Variants in TENM2 observed in about 807,000 individuals in gnomAD.
TENM2 encodes teneurin-2.
Under a neutral mutation model 245.2 loss-of-function variants are expected in TENM2, and 52 were observed. The ratio of observed to expected loss-of-function variants is 0.21; its 90% confidence interval spans 0.17 to 0.27. The LOEUF (loss-of-function observed/expected upper bound fraction) is 0.27. Among genes scored for constraint, TENM2 ranks in the 10% least tolerant of loss-of-function variants. The probability of loss-of-function intolerance (pLI) is 1.00; values close to 1 mark genes in which losing one functional copy is unlikely to be tolerated. For missense variants in TENM2, 3,046 were observed against 3,666.8 expected, an observed-to-expected ratio of 0.83 and a Z score of 4.37; for synonymous variants, 1,363 against 1,438.9, an observed-to-expected ratio of 0.95 and a Z score of 1.19.
chr5:167,004,611 A>G, the TENM2 span, among the ~76,000 whole-genome samples: 2 of 152,242 alleles, frequency 1.3e-5, no homozygotes, highest in Non-Finnish European at 2.9e-5. Flanking sequence ...GTTTAAAACC[A>G]AAGATGGTAA....
intron 2 of TENM2, among the ~76,000 whole-genome samples, chr5:167,562,727 C>A (rs1429633238): frequency 6.6e-6 from 1 of 152,002 alleles, no homozygotes; most frequent in African/African-American, 2.4e-5. Context: ...GAGGCTGAGG[C>A]GGGTGGATCA....
At chr5:167,432,233 A>G (rs1372676310) in intron 2 of TENM2, among the ~76,000 whole-genome samples, 1 of 151,698 alleles carries the variant, frequency 6.6e-6, no homozygotes, top group African/African-American at 2.4e-5. Flanking sequence ...ACTCGTATTT[A>G]AATCTGAATT....
intron 2 of TENM2, among the ~76,000 whole-genome samples, chr5:167,711,293 G>A (rs1449862820): frequency 6.6e-6 from 1 of 152,190 alleles, no homozygotes; most frequent in African/African-American, 2.4e-5. Context: ...GGAGAAGAAG[G>A]CACCAAGGAT....
intron 2 of TENM2, among the ~76,000 whole-genome samples, chr5:167,377,900 C>G (rs1031775892): frequency 6.6e-6 from 1 of 152,130 alleles, no homozygotes; most frequent in Admixed American, 6.6e-5. Context: ...ACACTGTGTC[C>G]TTCAGAACCA....
rs543092861 is a variant in TENM2 at position 167,542,567 on chromosome 5, A to G, written c.502+167094A>G. ...TGATTCGTATCTACCTTTAAATGTG[A>G]GAAAAATATCCCTGGGTCATTGCCA... On this transcript the variant is annotated intron_variant, in intron 2 of 28. Transcript: ENST00000518659. 1.8e-4 allele frequency among the ~76,000 whole-genome samples: 27 copies of G among 152,170 alleles called. 1 individual carries two copies. The highest frequency in any genetic ancestry group is 3.5e-4 in the Non-Finnish European group (24 of 68,034).
rs540326142 is a variant in TENM2, at chr5:168,030,158, C to CTTTTTTTTT, written c.1187-17248_1187-17240dup. ...CTTTGGCCCAAGTCTGGTTCTGGCT[C>CTTTTTTTTT]TTTTTTTTTTTTTTTTTTTTTTTTT... is the stretch of plus-strand genomic sequence containing the variant. On this transcript the variant is annotated intron_variant, in intron 5 of 28. Coordinates refer to ENST00000518659, the Ensembl canonical transcript of TENM2. 3.5e-4 allele frequency among the ~76,000 whole-genome samples: 23 copies of CTTTTTTTTT among 65,292 alleles called. 2 individuals are homozygous for CTTTTTTTTT. In the East Asian group the frequency reaches 3.5e-3, roughly 10 times the overall value. 42.8% of individuals were successfully genotyped at this position (65,292 alleles called of 152,430 possible).
intron 2 of TENM2, among the ~76,000 whole-genome samples, chr5:167,638,071 A>G (rs936630388): frequency 6.6e-6 from 1 of 150,510 alleles, no homozygotes. Flanking sequence ...GGTTTGGACT[A>G]TAAAGACAGA....
intron 1 of TENM2, among the ~76,000 whole-genome samples, chr5:167,344,345 A>T (rs1203847581): frequency 4.7e-5 from 7 of 149,122 alleles, no homozygotes; most frequent in African/African-American, 1.7e-4. Context: ...TATTGCAGAG[A>T]TATGAAACTG....
At chr5:167,142,994 G>A in the TENM2 span, among the ~76,000 whole-genome samples, 2 of 152,212 alleles carry the variant, frequency 1.3e-5, no homozygotes, top group African/African-American at 4.8e-5. Context: ...TCTCTACAAT[G>A]TGTGATATAA....
At chr5:168,042,715 C>T (rs561255354) in intron 5 of TENM2, among the ~76,000 whole-genome samples, 77 of 152,186 alleles carry the variant, frequency 5.1e-4, no homozygotes, top group Non-Finnish European at 1.0e-3. Context: ...ATCACACCCT[C>T]ACTCCACGTA....
At chr5:167,092,562 G>A in the TENM2 span, among the ~76,000 whole-genome samples, 28 of 152,156 alleles carry the variant, frequency 1.8e-4, no homozygotes, top group Non-Finnish European at 2.9e-4. Context: ...TATGCTACAT[G>A]TTTTATGTGG....
At chr5:167,291,936 A>G (rs2127720575) in intron 1 of TENM2, among the ~76,000 whole-genome samples, 1 of 152,298 alleles carries the variant, frequency 6.6e-6, no homozygotes, top group South Asian at 2.1e-4. Context: ...GGTTTAATGG[A>G]CTTACAGTTC....
At position 167,631,134 on chromosome 5, in the gene TENM2, G is replaced by A. The variant is rs535485033; in HGVS notation, c.503-244852G>A. On this transcript the variant is annotated intron_variant, in intron 2 of 28. Coordinates refer to ENST00000518659, the Ensembl canonical transcript of TENM2. ...GCAGTTTAAGATTTAAGAAAGATGA[G>A]ATCCCTGCCCTCTTGTCGCTTGCAT... Among the ~76,000 whole-genome samples, 261 of 152,232 alleles carry A rather than the reference G, an allele frequency of 1.7e-3. 3 individuals are homozygous for A. Among genetic ancestry groups the A allele is most frequent in the Admixed American group, 3.6e-3 (55 of 15,290 alleles).
At chr5:167,159,862 G>A in the TENM2 span, among the ~76,000 whole-genome samples, 2 of 152,150 alleles carry the variant, frequency 1.3e-5, no homozygotes. Context: ...CATTGGAGAT[G>A]ACTGGTAGAG....
chr5:167,066,109 CA>C, the TENM2 span, among the ~76,000 whole-genome samples: 1 of 152,122 alleles, frequency 6.6e-6, no homozygotes, highest in Non-Finnish European at 1.5e-5. Flanking sequence ...CATTTGCCTC[CA>C]TATCAAGGAG....
chr5:168,124,897 G>A (rs776393581), exon 11 of TENM2: 2 of 1,613,106 alleles, frequency 1.2e-6, no homozygotes, highest in African/African-American at 2.7e-5. Context: ...CTGTGTGAAT[G>A]GAGAATGCCT....
At chr5:167,469,587 G>T (rs1766882074) in intron 2 of TENM2, among the ~76,000 whole-genome samples, 1 of 152,078 alleles carries the variant, frequency 6.6e-6, no homozygotes, top group South Asian at 2.1e-4. Context: ...AGTTTATAAT[G>T]CAAGTGTTTG....
At chr5:167,681,058 T>C (rs951824837) in intron 2 of TENM2, among the ~76,000 whole-genome samples, 4 of 152,234 alleles carry the variant, frequency 2.6e-5, no homozygotes, top group African/African-American at 9.6e-5. Context: ...TGTTTTCACA[T>C]TTTAAAACAA....
At chr5:167,085,673 CTGTCTTTATGAAG>C in the TENM2 span, among the ~76,000 whole-genome samples, 39 of 152,216 alleles carry the variant, frequency 2.6e-4, no homozygotes, top group Non-Finnish European at 5.1e-4. Context: ...TCAAAAGCTC[CTGTCTTTATGAAG>C]TTGTGTTTTA....
Sources: allele counts gnomAD v4.1 joint callset (sites outside exome capture counted in the v4.1 genomes callset), GRCh38; gene constraint gnomAD v4.1.1; transcripts MANE v1.5; gene names NCBI Gene and HGNC (gene_info 2026-07-23, HGNC 2026-07-21).